RESF1: variants seen among roughly 807,000 people sequenced by gnomAD.
The protein encoded by RESF1 is gonad expressed transcript.
A neutral mutation model predicts 134.7 loss-of-function variants in RESF1; 65 were observed. That is an observed-to-expected ratio of 0.48 (90% confidence interval 0.40 to 0.59). The LOEUF (loss-of-function observed/expected upper bound fraction) is 0.59, where lower values mean the gene tolerates loss of function less well. Among genes scored for constraint, RESF1 ranks in the 20% least tolerant of loss-of-function variants. RESF1 has a pLI of 0.00. For missense variants in RESF1, 2,274 were observed against 2,002.7 expected, an observed-to-expected ratio of 1.14 and a Z score of -2.59; for synonymous variants, 762 against 702.2, an observed-to-expected ratio of 1.09 and a Z score of -1.35.
At chr12:31,961,326 A>AT (rs1156402126) in intron 2 of RESF1, among the ~76,000 whole-genome samples, 1 of 152,192 alleles carries the variant, frequency 6.6e-6, no homozygotes, top group Non-Finnish European at 1.5e-5. Context: ...TCACCTAATG[A>AT]TTAAGACCAT....
chr12:31,974,913 A>G (rs1055639326), intron 3 of RESF1, among the ~76,000 whole-genome samples: 5 of 147,042 alleles, frequency 3.4e-5, no homozygotes, highest in African/African-American at 1.3e-4. Context: ...GAGTGTCAGC[A>G]TGTGGTGGCT....
At chr12:31,967,793 G>T (rs553828760) in intron 2 of RESF1, among the ~76,000 whole-genome samples, 1 of 152,054 alleles carries the variant, frequency 6.6e-6, no homozygotes, top group Non-Finnish European at 1.5e-5. Flanking sequence ...TCACAGGCCC[G>T]GGAAAAGATC....
chr12:31,979,849 A>G (rs1418807951), intron 3 of RESF1, among the ~76,000 whole-genome samples: 1 of 150,290 alleles, frequency 6.7e-6, no homozygotes, highest in Non-Finnish European at 1.5e-5. Context: ...GAGCCACCAC[A>G]CCCAGCCAAG....
Position 31,983,634 on chromosome 12 carries a change from C to T in RESF1, c.2679C>T (p.Asp893=), listed in dbSNP as rs1242174792. The T allele has an allele frequency of 1.2e-6, 2 of 1,614,016 alleles. No individual in the cohort carries two copies. The highest frequency in any genetic ancestry group is 2.2e-5 in the East Asian group (1 of 44,872). The change falls in exon 4 of 6, where the codon GAC becomes GAT. Residue 893 remains aspartate, a synonymous_variant. Transcript: ENST00000312561. The part of the protein sequence containing the change: ...TVVSSDTLQI[D]NICSLVEGDT... Reference sequence around the variant, plus strand: ...TGAGTAGTGATACATTACAGATTGACAATATTTGTTCTCTGGTTGAAGGTG... The same window carrying T: ...TGAGTAGTGATACATTACAGATTGATAATATTTGTTCTCTGGTTGAAGGTG...
chr12:31,965,622 A>C (rs570820241), intron 2 of RESF1, among the ~76,000 whole-genome samples: 191 of 152,330 alleles, frequency 1.3e-3, no homozygotes, highest in African/African-American at 4.2e-3. Flanking sequence ...CTTCTGTTCC[A>C]CTGAAGGCAT....
In RESF1 at chr12:31,985,471, AAAG is replaced by A; in HGVS notation, c.4519_4521del (p.Glu1507del). 6.2e-7 allele frequency: 1 copy of A among 1,608,084 alleles called. No individual in the cohort carries two copies. The highest frequency in any genetic ancestry group is 1.1e-5 in the South Asian group (1 of 89,638). On this transcript the variant is annotated inframe_deletion, in exon 4 of 6. Transcript: ENST00000312561. ...ACACAGCAGCGGCGTGCAGACCTCT[AAAG>A]AATCATTAAATGGCTTGACAAGCCA...
intron 1 of RESF1, chr12:31,959,968 T>C (rs1360657000): frequency 1.3e-5 from 2 of 152,004 alleles, no homozygotes; most frequent in Non-Finnish European, 2.9e-5. Context: ...AAAATCTTTT[T>C]TTTTTTTTGC....
In RESF1 at chr12:31,982,692, T is replaced by A; in HGVS notation, c.1737T>A (p.Asn579Lys). The change falls in exon 4 of 6, where the codon AAT (asparagine) becomes AAA (lysine). Residue 579 changes from asparagine to lysine, a missense_variant. Transcript: ENST00000312561. ...AGGAATATAAATCAAAAATTCAAAA[T>A]GAAAATATGCTACTTCTCGCTTTGC... ...STEEYKSKIQ[N>K]ENMLLLALLS... 6.2e-7 allele frequency: 1 copy of A among 1,613,996 alleles called. No homozygotes were observed. The highest frequency in any genetic ancestry group is 8.5e-7 in the Non-Finnish European group (1 of 1,179,922).
rs1939838914 is a variant in RESF1, at chr12:31,982,817, A to G, written c.1862A>G (p.Gln621Arg). 2 of 1,614,176 alleles carry G rather than the reference A, an allele frequency of 1.2e-6. No homozygotes were observed. The highest frequency in any genetic ancestry group is 1.7e-6 in the Non-Finnish European group (2 of 1,180,000). The change falls in exon 4 of 6, where the codon CAA becomes CGA. Residue 621 changes from glutamine (Q) to arginine (R), a missense_variant. Gln to Arg is a conservative substitution (Grantham distance 43). Coordinates refer to ENST00000312561, the MANE Select transcript of RESF1 (RefSeq NM_018169.4). ...AGTTGTGAAATGAATCCAAATACCC[A>G]AATGACTGGTAACCAACTGAATTTG... ...PDSCEMNPNTQMTGNQLNLKN... is the reference protein window; with the variant it reads ...PDSCEMNPNTRMTGNQLNLKN...
chr12:31,966,615 TCC>T (rs375765790), intron 2 of RESF1, among the ~76,000 whole-genome samples: 1 of 152,310 alleles, frequency 6.6e-6, no homozygotes, highest in African/African-American at 2.4e-5. Context: ...AATTTATTTC[TCC>T]CTTTTTTAGG....
At position 31,982,889 on chromosome 12, in the gene RESF1, T is replaced by G; in HGVS notation, c.1934T>G (p.Leu645Trp). 1 of 1,614,136 alleles carries G rather than the reference T, an allele frequency of 6.2e-7. No homozygotes were observed. The highest frequency in any genetic ancestry group is 1.1e-5 in the South Asian group (1 of 91,078). The stretch of plus-strand genomic sequence containing the variant: ...ACTTCTAATGTAAGTGGCAGGGTTT[T>G]GGACAACTCCTTTTGCAGTGGACAA... ...PSTSNVSGRV[L>W]DNSFCSGQES... Residue 645 changes from leucine (L) to tryptophan (W), a missense_variant, in exon 4 of 6, where the codon TTG (leucine) becomes TGG (tryptophan). Physicochemically the swap from Leu to Trp is moderately conservative, Grantham distance 61. Coordinates refer to ENST00000312561, the MANE Select transcript of RESF1 (RefSeq NM_018169.4).
chr12:31,960,807 G>A lies in RESF1; in HGVS notation c.-311G>A, dbSNP rs1243471925. On this transcript the variant is annotated 5_prime_UTR_variant, in exon 2 of 6. Coordinates refer to ENST00000312561, the MANE Select transcript of RESF1 (RefSeq NM_018169.4). Reference sequence around the variant, plus strand: ...AAGAAGTAAACACTGTGTGGAGAGGGACTGACGTGTTTGGAGGGAAATGGG... The same window carrying A: ...AAGAAGTAAACACTGTGTGGAGAGGAACTGACGTGTTTGGAGGGAAATGGG... 2 of 152,188 alleles carry A rather than the reference G, an allele frequency of 1.3e-5. No homozygotes were observed. The highest frequency in any genetic ancestry group is 1.3e-4 in the Admixed American group (2 of 15,278). 9.4% of individuals were successfully genotyped at this position (152,188 alleles called of 1,614,324 possible). A position where few individuals can be genotyped will look rare whatever the true frequency, so the allele number is the denominator to read the frequency against.
At chr12:31,961,529 A>C (rs1939269180) in intron 2 of RESF1, among the ~76,000 whole-genome samples, 1 of 152,254 alleles carries the variant, frequency 6.6e-6, no homozygotes, top group Admixed American at 6.5e-5. Context: ...GCAAGTGCCC[A>C]ATAAATGTTA....
At chr12:31,973,693 A>C (rs1411202836) in intron 3 of RESF1, among the ~76,000 whole-genome samples, 1 of 152,060 alleles carries the variant, frequency 6.6e-6, no homozygotes, top group Non-Finnish European at 1.5e-5. Flanking sequence ...AAAAAAACCA[A>C]ATTAACATAA....
intron 2 of RESF1, among the ~76,000 whole-genome samples, chr12:31,965,023 G>A (rs897262048): frequency 2.0e-5 from 3 of 152,014 alleles, no homozygotes; most frequent in African/African-American, 2.4e-5. Context: ...AATGGAGTGC[G>A]GTGGTGTGAT....
At chr12:31,978,508 T>G (rs1414395707) in intron 3 of RESF1, among the ~76,000 whole-genome samples, 2 of 152,020 alleles carry the variant, frequency 1.3e-5, no homozygotes, top group African/African-American at 2.4e-5. Context: ...TCCATCTTTA[T>G]AATTTTTTAA....
At chr12:31,964,741 T>G (rs1407172982) in intron 2 of RESF1, among the ~76,000 whole-genome samples, 1 of 152,234 alleles carries the variant, frequency 6.6e-6, no homozygotes, top group Non-Finnish European at 1.5e-5. Flanking sequence ...TATGTGCATG[T>G]TGATTTCTTT....
intron 3 of RESF1, among the ~76,000 whole-genome samples, chr12:31,972,143 GA>G (rs1162130741): frequency 6.6e-6 from 1 of 152,136 alleles, no homozygotes; most frequent in Non-Finnish European, 1.5e-5. Context: ...CTCTTGAACT[GA>G]ATCCTTGGTA....
In RESF1 at chr12:31,981,127, C is replaced by A; in HGVS notation, c.172C>A (p.Pro58Thr). 6.2e-7 allele frequency: 1 copy of A among 1,614,126 alleles called. No individual in the cohort carries two copies. The highest frequency in any genetic ancestry group is 8.5e-7 in the Non-Finnish European group (1 of 1,180,020). Residue 58 changes from proline to threonine, a missense_variant, in exon 4 of 6, where the codon CCA (proline) becomes ACA (threonine). Coordinates refer to ENST00000312561, the MANE Select transcript of RESF1 (RefSeq NM_018169.4). ...ATGCATGTATCCCGGTAATTCAAAT[C>A]CAATTTCACAGCCACTGCTGAATAT... ...EACMYPGNSN[P>T]ISQPLLNIQN...
Sources: gnomAD v4.1 joint callset for allele counts (sites outside exome capture counted in the v4.1 genomes callset) on GRCh38, gnomAD v4.1.1 for gene constraint, MANE v1.5 for transcripts, NCBI Gene and HGNC (gene_info 2026-07-23, HGNC 2026-07-21) for gene names.